The following WDR70 variants were observed in gnomAD, a reference collection of about 807,000 sequenced individuals.
WDR70 encodes WD repeat-containing protein 70.
A neutral mutation model predicts 88.6 loss-of-function variants in WDR70; 53 were observed. That is an observed-to-expected ratio of 0.60 (90% confidence interval 0.48 to 0.75). WDR70 has a LOEUF of 0.75. Among genes scored for constraint, WDR70 ranks in the 30% least tolerant of loss-of-function variants. WDR70 has a pLI of 0.00. For missense variants in WDR70, 610 were observed against 823.2 expected, an observed-to-expected ratio of 0.74 and a Z score of 3.17; for synonymous variants, 280 against 270.0, an observed-to-expected ratio of 1.04 and a Z score of -0.36.
chr5:37,594,537 G>T (rs1387619378), intron 9 of WDR70, among the ~76,000 whole-genome samples: 1 of 152,146 alleles, frequency 6.6e-6, no homozygotes, highest in Non-Finnish European at 1.5e-5. Context: ...TGCTGTTTTG[G>T]TTACTGTAGC....
intron 7 of WDR70, among the ~76,000 whole-genome samples, chr5:37,479,066 G>T (rs1739574321): frequency 6.6e-6 from 1 of 152,184 alleles, no homozygotes; most frequent in Non-Finnish European, 1.5e-5. Context: ...GAGACTGGGA[G>T]AGATGAGATC....
At chr5:37,510,470 T>A (rs1740691051) in intron 8 of WDR70, among the ~76,000 whole-genome samples, 1 of 152,176 alleles carries the variant, frequency 6.6e-6, no homozygotes, top group Non-Finnish European at 1.5e-5. Context: ...TAATCATAAT[T>A]TTCTTTTTTA....
chr5:37,693,511 A>G lies in WDR70; in HGVS notation c.1093-4144A>G, dbSNP rs184876549. ...CAGCATGGTACTGGTACCAAAACAGATATATAGACCAATGGAACAGAACAG... is the reference window on the plus strand; with the variant it reads ...CAGCATGGTACTGGTACCAAAACAGGTATATAGACCAATGGAACAGAACAG... On this transcript the variant is annotated intron_variant, in intron 10 of 17. Coordinates refer to ENST00000265107, the MANE Select transcript of WDR70 (RefSeq NM_018034.4). Among the ~76,000 whole-genome samples, 372 of 152,334 alleles carry G rather than the reference A, an allele frequency of 2.4e-3. 2 individuals carry two copies. Among genetic ancestry groups the G allele is most frequent in the Non-Finnish European group, 3.7e-3 (255 of 68,028 alleles).
intron 9 of WDR70, among the ~76,000 whole-genome samples, chr5:37,524,741 C>G (rs1458773564): frequency 6.6e-6 from 1 of 152,284 alleles, no homozygotes; most frequent in African/African-American, 2.4e-5. Context: ...AAACCCATCT[C>G]ACGTGCAGAG....
chr5:37,436,777 G>GTTTT (rs1465906868), intron 5 of WDR70, among the ~76,000 whole-genome samples: 1 of 152,004 alleles, frequency 6.6e-6, no homozygotes. Context: ...TTTAGTTTTT[G>GTTTT]TTTTTTTACT....
intron 5 of WDR70, among the ~76,000 whole-genome samples, chr5:37,396,963 C>T (rs1291004755): frequency 6.6e-6 from 1 of 152,030 alleles, no homozygotes; most frequent in Non-Finnish European, 1.5e-5. Context: ...GGCAACATGG[C>T]GAAACTCTGT....
At chr5:37,608,917 G>A (rs1442038676) in intron 10 of WDR70, among the ~76,000 whole-genome samples, 1 of 152,186 alleles carries the variant, frequency 6.6e-6, no homozygotes, top group East Asian at 1.9e-4. Context: ...AAGGATTGCT[G>A]TCTGTTCTAC....
intron 8 of WDR70, among the ~76,000 whole-genome samples, chr5:37,502,638 T>C (rs1199997549): frequency 6.6e-6 from 1 of 152,194 alleles, no homozygotes; most frequent in East Asian, 1.9e-4. Context: ...CGAAAAGAAA[T>C]ACCTGAGACT....
chr5:37,673,750 C>T (rs992177243), intron 10 of WDR70, among the ~76,000 whole-genome samples: 17 of 151,988 alleles, frequency 1.1e-4, no homozygotes, highest in Non-Finnish European at 2.5e-4. Flanking sequence ...GCTATTCTTC[C>T]CGATTCTCTC....
chr5:37,566,175 G>A (rs748463619), intron 9 of WDR70, among the ~76,000 whole-genome samples: 32 of 152,090 alleles, frequency 2.1e-4, no homozygotes, highest in Non-Finnish European at 4.1e-4. Flanking sequence ...TTAAAATGAT[G>A]CATTAAAGGT....
intron 10 of WDR70, among the ~76,000 whole-genome samples, chr5:37,649,220 G>A (rs1745323351): frequency 6.6e-6 from 1 of 151,998 alleles, no homozygotes; most frequent in Admixed American, 6.6e-5. Flanking sequence ...AGTGGAAGAT[G>A]GAAGTCTTTC....
At chr5:37,729,012 G>C (rs1339356428) in intron 17 of WDR70, among the ~76,000 whole-genome samples, 1 of 152,030 alleles carries the variant, frequency 6.6e-6, no homozygotes, top group African/African-American at 2.4e-5. Context: ...TATTCTGTGA[G>C]ATAAATTCCA....
chr5:37,381,626 T>G lies in WDR70; in HGVS notation c.116T>G (p.Leu39Trp). 6.2e-7 allele frequency: 1 copy of G among 1,611,926 alleles called. No homozygotes were observed. Among genetic ancestry groups the G allele is most frequent in the Non-Finnish European group, 8.5e-7 (1 of 1,178,430 alleles). Residue 39 changes from leucine to tryptophan, a missense_variant, in exon 3 of 18, where the codon TTG becomes TGG. By Grantham distance (61) the Leu-to-Trp change is moderately conservative. Around this residue, in one of 4 missense-constraint regions of WDR70, gnomAD observed 203 missense variants for 228.1 expected, o/e 0.89. Transcript: ENST00000265107. The part of the protein sequence containing the change: ...GFGKKARTFD[L>W]EAMFEQTRRT... The stretch of plus-strand genomic sequence containing the variant: ...GGTAAAAAAGCTCGCACATTTGACT[T>G]GGAAGCAATGTTTGAACAAACTCGA...
intron 10 of WDR70, among the ~76,000 whole-genome samples, chr5:37,689,500 G>GCTGCAATATTTGCTGTT (rs1017733883): frequency 1.3e-5 from 2 of 152,192 alleles, no homozygotes; most frequent in East Asian, 1.9e-4. Context: ...GAAGGATCAG[G>GCTGCAATATTTGCTGTT]CTGCAATATT....
At chr5:37,504,365 A>T (rs757353638) in intron 8 of WDR70, among the ~76,000 whole-genome samples, 4 of 151,466 alleles carry the variant, frequency 2.6e-5, no homozygotes, top group African/African-American at 9.7e-5. Flanking sequence ...TCAACGCTTT[A>T]TATCATTTAT....
chr5:37,506,577 T>C (rs1740567608), intron 8 of WDR70: 5 of 774,478 alleles, frequency 6.5e-6, no homozygotes, highest in African/African-American at 1.7e-5. Flanking sequence ...CCCTCCAACA[T>C]TTAATGTTAG....
At chr5:37,752,129 T>G (rs1748831549) in intron 17 of WDR70, among the ~76,000 whole-genome samples, 1 of 152,196 alleles carries the variant, frequency 6.6e-6, no homozygotes. Flanking sequence ...TCTTGCTTGG[T>G]GACTGTAGTT....
chr5:37,605,154 T>G lies in WDR70; in HGVS notation c.1008T>G (p.Thr336=). The part of the protein sequence containing the change: ...RTMQGKKVIP[T]TCTYSRDGNL... Reference sequence around the variant, plus strand: ...TGCAAGGCAAAAAAGTCATTCCCACTACGTGCACATATAGTAGAGATGGAA... The same window carrying G: ...TGCAAGGCAAAAAAGTCATTCCCACGACGTGCACATATAGTAGAGATGGAA... The change falls in exon 10 of 18, where the codon ACT becomes ACG. Residue 336 remains threonine (T), a synonymous_variant. Coordinates refer to ENST00000265107, the MANE Select transcript of WDR70 (RefSeq NM_018034.4). 1.2e-6 allele frequency: 2 copies of G among 1,613,576 alleles called. No homozygotes were observed. Among genetic ancestry groups the G allele is most frequent in the Non-Finnish European group, 1.7e-6 (2 of 1,179,720 alleles).
chr5:37,618,029 G>A (rs1173394795), intron 10 of WDR70, among the ~76,000 whole-genome samples: 1 of 152,124 alleles, frequency 6.6e-6, no homozygotes, highest in Non-Finnish European at 1.5e-5. Flanking sequence ...GAAAACATTG[G>A]AACTCACAGG....
Sources: gnomAD v4.1 joint callset for allele counts (sites outside exome capture counted in the v4.1 genomes callset) on GRCh38, gnomAD v4.1.1 for gene constraint, gnomAD v4.1.1 regional missense constraint, MANE v1.5 for transcripts, NCBI Gene and HGNC (gene_info 2026-07-23, HGNC 2026-07-21) for gene names.